Variants in LRMDA observed in about 807,000 individuals in gnomAD.
LRMDA encodes the protein leucine-rich melanocyte differentiation-associated protein.
Under a neutral mutation model 29.8 loss-of-function variants are expected in LRMDA, and 18 were observed. The ratio of observed to expected loss-of-function variants is 0.60; its 90% CI spans 0.42 to 0.90. LRMDA has a LOEUF of 0.90. Among genes scored for constraint, LRMDA ranks in the 40% least tolerant of loss-of-function variants. The probability of loss-of-function intolerance (pLI) is 0.00; values close to 1 mark genes in which losing one functional copy is unlikely to be tolerated. For missense variants in LRMDA, 273 were observed against 273.9 expected (o/e 1.00, Z 0.02); for synonymous variants, 125 against 109.4 (o/e 1.14, Z -0.89).
chr10:76,111,829 G>A (rs1157665738), intron 5 of LRMDA, among the ~76,000 whole-genome samples: 1 of 151,850 alleles, frequency 6.6e-6, no homozygotes, highest in Non-Finnish European at 1.5e-5. Flanking sequence ...CGCATGGTGG[G>A]CTCTCATCTT....
chr10:75,433,009 G>C (rs1589142920), intron 1 of LRMDA, among the ~76,000 whole-genome samples: 1 of 152,188 alleles, frequency 6.6e-6, no homozygotes, highest in East Asian at 1.9e-4. Flanking sequence ...GCTGGAGAAA[G>C]ACCAGAGTTC....
intron 2 of LRMDA, among the ~76,000 whole-genome samples, chr10:75,740,960 A>G (rs1842821544): frequency 6.6e-6 from 1 of 152,104 alleles, no homozygotes; most frequent in Non-Finnish European, 1.5e-5. Flanking sequence ...ATAAGCATAT[A>G]TTAAGGTATG....
At chr10:76,112,484 G>A (rs1461749778) in intron 5 of LRMDA, among the ~76,000 whole-genome samples, 1 of 152,214 alleles carries the variant, frequency 6.6e-6, no homozygotes. Context: ...CCCCCAAAGA[G>A]CCGGTGGGGA....
At chr10:76,088,681 C>T (rs1011494272) in intron 5 of LRMDA, among the ~76,000 whole-genome samples, 15 of 152,194 alleles carry the variant, frequency 9.9e-5, no homozygotes, top group African/African-American at 3.6e-4. Flanking sequence ...TTTACTTAAA[C>T]CTTTTTGAAA....
chr10:75,642,743 C>T (rs1841470077), intron 2 of LRMDA: 1 of 152,098 alleles, frequency 6.6e-6, no homozygotes, highest in Non-Finnish European at 1.5e-5. Flanking sequence ...GAAAGTCACA[C>T]CAGAAGGGCA....
At chr10:75,802,216 C>T (rs1261182309) in intron 2 of LRMDA, among the ~76,000 whole-genome samples, 1 of 151,554 alleles carries the variant, frequency 6.6e-6, no homozygotes, top group East Asian at 1.9e-4. Context: ...TACTGAGGAG[C>T]CTGAGGTGGG....
intron 2 of LRMDA, among the ~76,000 whole-genome samples, chr10:75,950,779 A>G (rs1278088264): frequency 6.6e-6 from 1 of 152,222 alleles, no homozygotes; most frequent in Non-Finnish European, 1.5e-5. Context: ...GCACACAGTG[A>G]TCACTCAGGA....
chr10:76,473,503 A>C (rs1842638442), intron 6 of LRMDA, among the ~76,000 whole-genome samples: 1 of 151,556 alleles, frequency 6.6e-6, no homozygotes, highest in Non-Finnish European at 1.5e-5. Context: ...TTACAGTTAA[A>C]GTGTTAGCCC....
chr10:76,092,732 G>A (rs1849250121), intron 5 of LRMDA, among the ~76,000 whole-genome samples: 1 of 152,152 alleles, frequency 6.6e-6, no homozygotes, highest in East Asian at 1.9e-4. Flanking sequence ...AAGCAAGTGT[G>A]TATGGAATAG....
At chr10:75,652,985 C>G (rs989410345) in intron 2 of LRMDA, among the ~76,000 whole-genome samples, 1 of 152,224 alleles carries the variant, frequency 6.6e-6, no homozygotes, top group Non-Finnish European at 1.5e-5. Flanking sequence ...TGAACACTCT[C>G]TCTGCTTGGG....
intron 2 of LRMDA, among the ~76,000 whole-genome samples, chr10:76,007,317 A>G (rs1421549000): frequency 6.6e-6 from 1 of 151,622 alleles, no homozygotes; most frequent in East Asian, 1.9e-4. Context: ...CCTCTGACGA[A>G]TGGGAGGGAA....
At chr10:75,815,828 G>A (rs543966760) in intron 2 of LRMDA, among the ~76,000 whole-genome samples, 3 of 152,322 alleles carry the variant, frequency 2.0e-5, no homozygotes, top group East Asian at 3.9e-4. Context: ...TGTGCTTCAA[G>A]TATTTTTATG....
At chr10:75,670,958 C>T (rs1429301897) in intron 2 of LRMDA, among the ~76,000 whole-genome samples, 2 of 152,138 alleles carry the variant, frequency 1.3e-5, no homozygotes, top group African/African-American at 2.4e-5. Flanking sequence ...TCCCTAGAGA[C>T]TACCTGGAGC....
chr10:76,105,547 A>G (rs1426047070), intron 5 of LRMDA, among the ~76,000 whole-genome samples: 1 of 152,164 alleles, frequency 6.6e-6, no homozygotes, highest in Non-Finnish European at 1.5e-5. Flanking sequence ...AAACAGACAC[A>G]GAGACACAGG....
chr10:75,611,395 T>C (rs1347554578), intron 2 of LRMDA, among the ~76,000 whole-genome samples: 1 of 152,214 alleles, frequency 6.6e-6, no homozygotes, highest in Non-Finnish European at 1.5e-5. Context: ...TATTTTTAAG[T>C]GTACAGCTCT....
chr10:75,796,687 C>G (rs1003733097), intron 2 of LRMDA, among the ~76,000 whole-genome samples: 5 of 152,206 alleles, frequency 3.3e-5, no homozygotes, highest in African/African-American at 1.2e-4. Flanking sequence ...ATTCTCCTGC[C>G]TCAGCCTCCC....
At chr10:76,345,449 T>A (rs2132425325) in intron 6 of LRMDA, among the ~76,000 whole-genome samples, 1 of 148,654 alleles carries the variant, frequency 6.7e-6, no homozygotes. Flanking sequence ...CAGACCATGA[T>A]AAATTTAGAT....
At chr10:76,154,008 G>T (rs1850493873) in intron 5 of LRMDA, among the ~76,000 whole-genome samples, 1 of 152,190 alleles carries the variant, frequency 6.6e-6, no homozygotes, top group Admixed American at 6.5e-5. Context: ...TCTGAAACCT[G>T]CATGAAAAGA....
chr10:75,561,958 T>G (rs867513782), intron 2 of LRMDA, among the ~76,000 whole-genome samples: 4 of 152,066 alleles, frequency 2.6e-5, no homozygotes, highest in Non-Finnish European at 5.9e-5. Flanking sequence ...CAACTATGTG[T>G]TCAATTTTGG....
Sources: allele counts gnomAD v4.1 joint callset (sites outside exome capture counted in the v4.1 genomes callset), GRCh38; gene constraint gnomAD v4.1.1; transcripts MANE v1.5; gene names NCBI Gene and HGNC (gene_info 2026-07-23, HGNC 2026-07-21).